The following ST6GALNAC3 variants were observed in gnomAD, a reference collection of about 807,000 sequenced individuals.
ST6GALNAC3 encodes the protein ST6 N-acetylgalactosaminide alpha-2,6-sialyltransferase 3, also known as alpha-N-acetylgalactosaminide alpha-2,6-sialyltransferase 3.
ST6GALNAC3 carries 25 observed loss-of-function variants against 32.7 expected under a neutral mutation model. That is an observed-to-expected ratio of 0.76 (90% CI 0.56 to 1.07). The LOEUF is 1.07. ST6GALNAC3 is among the 50% of genes least tolerant of loss of function. ST6GALNAC3 has a pLI of 0.00. For synonymous variants in ST6GALNAC3, 129 were observed against 133.1 expected (o/e 0.97, Z 0.21); for missense variants, 355 against 382.4 (o/e 0.93, Z 0.60).
At chr1:76,096,667 T>C (rs1647137209) in intron 1 of ST6GALNAC3, among the ~76,000 whole-genome samples, 1 of 151,926 alleles carries the variant, frequency 6.6e-6, no homozygotes, top group Non-Finnish European at 1.5e-5. Flanking sequence ...TGATTTATCA[T>C]GAAGTGAATA....
chr1:76,420,369 CCCTATT>C (rs1363973973), intron 3 of ST6GALNAC3, among the ~76,000 whole-genome samples: 10 of 152,042 alleles, frequency 6.6e-5, no homozygotes, highest in African/African-American at 2.2e-4. Context: ...TGTGATCCTG[CCCTATT>C]CCTTAGCAAA....
chr1:76,141,295 C>T (rs1299348916), intron 1 of ST6GALNAC3, among the ~76,000 whole-genome samples: 3 of 152,174 alleles, frequency 2.0e-5, no homozygotes, highest in Non-Finnish European at 2.9e-5. Context: ...GGGTTTCTCT[C>T]GTCTGTTGCC....
chr1:76,490,320 A>T (rs1303899270), intron 3 of ST6GALNAC3, among the ~76,000 whole-genome samples: 1 of 151,978 alleles, frequency 6.6e-6, no homozygotes, highest in Non-Finnish European at 1.5e-5. Context: ...AAGTTCTAGG[A>T]TCCAGAGACT....
At chr1:76,110,843 A>G (rs1474026040) in intron 1 of ST6GALNAC3, among the ~76,000 whole-genome samples, 1 of 152,248 alleles carries the variant, frequency 6.6e-6, no homozygotes, top group Non-Finnish European at 1.5e-5. Context: ...CATTTGGAGT[A>G]GATTGTGAAA....
intron 1 of ST6GALNAC3, among the ~76,000 whole-genome samples, chr1:76,131,049 G>T (rs1649575222): frequency 6.6e-6 from 1 of 152,192 alleles, no homozygotes; most frequent in South Asian, 2.1e-4. Flanking sequence ...ACCCAGATGG[G>T]GTATGTGTTG....
intron 2 of ST6GALNAC3, among the ~76,000 whole-genome samples, chr1:76,366,310 A>T (rs1369137461): frequency 6.6e-6 from 1 of 152,126 alleles, no homozygotes; most frequent in Non-Finnish European, 1.5e-5. Context: ...GCAAAATTCT[A>T]CCTTTTTTCC....
At chr1:76,227,589 G>A (rs143281865) in intron 1 of ST6GALNAC3, among the ~76,000 whole-genome samples, 1 of 152,262 alleles carries the variant, frequency 6.6e-6, no homozygotes, top group African/African-American at 2.4e-5. Context: ...AAATGCAAAT[G>A]TGTTATTGTG....
At chr1:76,163,001 G>C (rs1468512111) in intron 1 of ST6GALNAC3, among the ~76,000 whole-genome samples, 2 of 152,204 alleles carry the variant, frequency 1.3e-5, no homozygotes, top group Non-Finnish European at 2.9e-5. Flanking sequence ...GAAAAGTCCT[G>C]CGTGGGTCTT....
chr1:76,421,162 TG>T (rs1411220377), intron 3 of ST6GALNAC3, among the ~76,000 whole-genome samples: 2 of 152,076 alleles, frequency 1.3e-5, no homozygotes, highest in East Asian at 3.9e-4. Context: ...TTGCCATTGT[TG>T]AAATACCAGT....
At chr1:76,608,494 T>G (rs1239292020) in intron 3 of ST6GALNAC3, among the ~76,000 whole-genome samples, 1 of 152,050 alleles carries the variant, frequency 6.6e-6, no homozygotes, top group Non-Finnish European at 1.5e-5. Context: ...GGGAATGCCC[T>G]GGTGAGGCAT....
chr1:76,219,795 C>T (rs1011154425), intron 1 of ST6GALNAC3, among the ~76,000 whole-genome samples: 1 of 152,192 alleles, frequency 6.6e-6, no homozygotes, highest in African/African-American at 2.4e-5. Context: ...AGGACTCATA[C>T]ATAATCTTGG....
intron 3 of ST6GALNAC3, among the ~76,000 whole-genome samples, chr1:76,460,066 T>G (rs1658175402): frequency 6.6e-6 from 1 of 152,192 alleles, no homozygotes; most frequent in African/African-American, 2.4e-5. Context: ...TCAAATTGCT[T>G]TCTACAGTGA....
chr1:76,380,677 A>G (rs1651632319), intron 2 of ST6GALNAC3, among the ~76,000 whole-genome samples: 1 of 152,182 alleles, frequency 6.6e-6, no homozygotes, highest in Admixed American at 6.5e-5. Context: ...AAAGATAATA[A>G]CAGAAAAAAA....
chr1:76,128,777 GC>G (rs1194750234), intron 1 of ST6GALNAC3, among the ~76,000 whole-genome samples: 1 of 152,182 alleles, frequency 6.6e-6, no homozygotes, highest in Non-Finnish European at 1.5e-5. Context: ...AGATGATCAG[GC>G]CTCCCTGGTT....
At chr1:76,258,526 A>C (rs908992627) in intron 1 of ST6GALNAC3, among the ~76,000 whole-genome samples, 1 of 152,138 alleles carries the variant, frequency 6.6e-6, no homozygotes, top group African/African-American at 2.4e-5. Flanking sequence ...TTTTATTGCT[A>C]CTCGAAGGCT....
intron 1 of ST6GALNAC3, among the ~76,000 whole-genome samples, chr1:76,272,407 T>A (rs1227199061): frequency 6.6e-6 from 1 of 151,442 alleles, no homozygotes; most frequent in Non-Finnish European, 1.5e-5. Context: ...CTAAACTACA[T>A]CCTGTAAGAA....
intron 3 of ST6GALNAC3, among the ~76,000 whole-genome samples, chr1:76,456,314 G>T (rs1182915865): frequency 6.6e-6 from 1 of 151,992 alleles, no homozygotes; most frequent in Non-Finnish European, 1.5e-5. Flanking sequence ...AGATTTATAT[G>T]GTCTCTTTTT....
chr1:76,481,303 T>A (rs756524191), intron 3 of ST6GALNAC3, among the ~76,000 whole-genome samples: 1 of 152,202 alleles, frequency 6.6e-6, no homozygotes, highest in Admixed American at 6.6e-5. Flanking sequence ...ATTTTCTTTT[T>A]TGAAAGTCTG....
intron 3 of ST6GALNAC3, among the ~76,000 whole-genome samples, chr1:76,445,910 T>C (rs1397682663): frequency 6.6e-6 from 1 of 152,212 alleles, no homozygotes; most frequent in African/African-American, 2.4e-5. Flanking sequence ...CTAAATGATA[T>C]ACATATACTT....
Sources: gnomAD v4.1 joint callset for allele counts (sites outside exome capture counted in the v4.1 genomes callset) on GRCh38, gnomAD v4.1.1 for gene constraint, MANE v1.5 for transcripts, NCBI Gene and HGNC (gene_info 2026-07-23, HGNC 2026-07-21) for gene names.